Variants in CNTNAP5 observed in about 807,000 individuals in gnomAD.
CNTNAP5 encodes the protein contactin associated protein family member 5.
A neutral mutation model predicts 150.2 loss-of-function variants in CNTNAP5; 72 were observed. The observed-to-expected ratio is 0.48, with a 90% CI of 0.40 to 0.58. The LOEUF is 0.58. Ranked by LOEUF, CNTNAP5 falls within the 20% of genes least tolerant of loss-of-function variation. The pLI is 0.00. For missense variants in CNTNAP5, 1,636 were observed against 1,626.2 expected (o/e 1.01, Z -0.10); for synonymous variants, 672 against 619.8 (o/e 1.08, Z -1.25).
At chr2:124,337,136 C>A (rs1367226372) in intron 3 of CNTNAP5, among the ~76,000 whole-genome samples, 1 of 152,162 alleles carries the variant, frequency 6.6e-6, no homozygotes, top group Non-Finnish European at 1.5e-5. Flanking sequence ...TGATGATGAG[C>A]ATTTTTTCAT....
intron 19 of CNTNAP5, among the ~76,000 whole-genome samples, chr2:124,825,799 A>G (rs1162146965): frequency 1.3e-5 from 2 of 152,174 alleles, no homozygotes; most frequent in African/African-American, 2.4e-5. Context: ...GGATCGGGGC[A>G]TGACGATGAT....
Position 124,419,140 on chromosome 2 carries a change from C to CA in CNTNAP5, c.529+1573dup, listed in dbSNP as rs778863758. ...TGGGCGACAGAGCGAGACTCCTTCT[C>CA]AAAAAAAAAAAAAAAAAAAAAAACA... On this transcript the variant is annotated intron_variant, in intron 4 of 23. Coordinates refer to ENST00000682447, the MANE Select transcript of CNTNAP5 (RefSeq NM_001367498.1). Among the ~76,000 whole-genome samples, 193 of 28,900 alleles carry CA rather than the reference C, an allele frequency of 6.7e-3. 12 individuals carry two copies. Among genetic ancestry groups the CA allele is most frequent in the African/African-American group, 0.018 (167 of 9,418 alleles). The allele number at this position is 28,900 out of a possible 152,430, so 19.0% of individuals were successfully genotyped here.
intron 12 of CNTNAP5, among the ~76,000 whole-genome samples, chr2:124,612,170 G>A (rs1677398811): frequency 6.6e-6 from 1 of 152,080 alleles, no homozygotes; most frequent in African/African-American, 2.4e-5. Flanking sequence ...AAAGTATGAA[G>A]GAAATATTAA....
At chr2:124,172,458 G>A (rs115955946) in intron 1 of CNTNAP5, among the ~76,000 whole-genome samples, 2,381 of 152,106 alleles carry the variant, frequency 0.016, 66 homozygotes, top group African/African-American at 0.055. Context: ...TATCACCCAG[G>A]CTAGAATGCA....
At chr2:124,670,382 T>G (rs919381437) in intron 13 of CNTNAP5, among the ~76,000 whole-genome samples, 1 of 152,110 alleles carries the variant, frequency 6.6e-6, no homozygotes, top group African/African-American at 2.4e-5. Flanking sequence ...TGTGGAAAAA[T>G]GTCTACTCAG....
intron 1 of CNTNAP5, among the ~76,000 whole-genome samples, chr2:124,035,862 C>T (rs1681198983): frequency 6.7e-6 from 1 of 150,038 alleles, no homozygotes; most frequent in South Asian, 2.1e-4. Flanking sequence ...TTCGTGGTCT[C>T]TCTCCTCATC....
At chr2:124,459,770 A>C (rs1366184030) in intron 6 of CNTNAP5, among the ~76,000 whole-genome samples, 1 of 151,960 alleles carries the variant, frequency 6.6e-6, no homozygotes, top group Non-Finnish European at 1.5e-5. Context: ...AAAAAAAAAA[A>C]AAAAAAAAAA....
intron 22 of CNTNAP5, among the ~76,000 whole-genome samples, chr2:124,909,555 A>G (rs900798455): frequency 6.6e-6 from 1 of 152,028 alleles, no homozygotes; most frequent in African/African-American, 2.4e-5. Flanking sequence ...AGGGATAAAC[A>G]AGAATAACAA....
chr2:124,108,979 C>T (rs1327869333), intron 1 of CNTNAP5, among the ~76,000 whole-genome samples: 1 of 151,950 alleles, frequency 6.6e-6, no homozygotes, highest in African/African-American at 2.4e-5. Context: ...ACATTGAAAC[C>T]CTAACATAAG....
intron 1 of CNTNAP5, among the ~76,000 whole-genome samples, chr2:124,042,461 C>G (rs557518022): frequency 2.6e-5 from 4 of 152,002 alleles, no homozygotes; most frequent in Non-Finnish European, 5.9e-5. Flanking sequence ...GCTGTACTGT[C>G]CTCATAGGCT....
At chr2:124,452,200 G>A (rs148560778) in intron 6 of CNTNAP5, among the ~76,000 whole-genome samples, 1 of 152,198 alleles carries the variant, frequency 6.6e-6, no homozygotes, top group African/African-American at 2.4e-5. Context: ...GCTATTGAGG[G>A]TGGGGCACGG....
chr2:124,646,232 A>G (rs995876094), intron 12 of CNTNAP5, among the ~76,000 whole-genome samples: 20 of 152,206 alleles, frequency 1.3e-4, no homozygotes, highest in Admixed American at 1.2e-3. Flanking sequence ...AGTTGTGTAC[A>G]GAGCTAGTGA....
At chr2:124,816,618 C>T (rs1682368085) in intron 19 of CNTNAP5, among the ~76,000 whole-genome samples, 1 of 151,470 alleles carries the variant, frequency 6.6e-6, no homozygotes, top group Non-Finnish European at 1.5e-5. Flanking sequence ...GCTGGGATTA[C>T]AGGTGCCCAC....
chr2:124,715,189 T>A (rs907769324), intron 13 of CNTNAP5, among the ~76,000 whole-genome samples: 1 of 152,194 alleles, frequency 6.6e-6, no homozygotes, highest in East Asian at 1.9e-4. Flanking sequence ...AGCCTTCTGC[T>A]TCAACTATTC....
intron 7 of CNTNAP5, among the ~76,000 whole-genome samples, chr2:124,475,148 G>A: frequency 1.3e-5 from 2 of 151,832 alleles, no homozygotes; most frequent in Non-Finnish European, 1.5e-5. Flanking sequence ...ACTGTGGGTA[G>A]TATTTGCAGT....
At chr2:124,103,538 T>TAG (rs1281301515) in intron 1 of CNTNAP5, among the ~76,000 whole-genome samples, 1 of 152,132 alleles carries the variant, frequency 6.6e-6, no homozygotes, top group Non-Finnish European at 1.5e-5. Context: ...ATTGTTACTA[T>TAG]ACCTTTTCCA....
At chr2:124,408,212 G>T (rs1402822442) in intron 3 of CNTNAP5, among the ~76,000 whole-genome samples, 2 of 152,172 alleles carry the variant, frequency 1.3e-5, no homozygotes, top group East Asian at 1.9e-4. Context: ...ATTATATCTC[G>T]CACCTGGCTC....
chr2:124,755,055 C>T (rs1489305435), intron 14 of CNTNAP5, among the ~76,000 whole-genome samples: 6 of 151,762 alleles, frequency 4.0e-5, no homozygotes, highest in Non-Finnish European at 5.9e-5. Flanking sequence ...TTTTGCCTGG[C>T]GTAGCATTAA....
chr2:124,784,958 T>G (rs1681531479), intron 17 of CNTNAP5, among the ~76,000 whole-genome samples: 1 of 147,352 alleles, frequency 6.8e-6, no homozygotes, highest in Non-Finnish European at 1.5e-5. Flanking sequence ...AGCCTACAAC[T>G]AGTATGACTA....
Sources: gnomAD v4.1 joint callset for allele counts (sites outside exome capture counted in the v4.1 genomes callset) on GRCh38, gnomAD v4.1.1 for gene constraint, MANE v1.5 for transcripts, NCBI Gene and HGNC (gene_info 2026-07-23, HGNC 2026-07-21) for gene names.